PLXDC2: variants seen among roughly 807,000 people sequenced by gnomAD.
The protein encoded by PLXDC2 is plexin domain-containing protein 2.
Under a neutral mutation model 68.9 loss-of-function variants are expected in PLXDC2, and 40 were observed. The ratio of observed to expected loss-of-function variants is 0.58; its 90% CI spans 0.45 to 0.76. The LOEUF (loss-of-function observed/expected upper bound fraction) is 0.76, where lower values mean the gene tolerates loss of function less well. PLXDC2 is among the 30% of genes least tolerant of loss of function. The pLI is 0.00. For missense variants in PLXDC2, 644 were observed against 661.9 expected, an observed-to-expected ratio of 0.97 and a Z score of 0.30; for synonymous variants, 243 against 234.2, an observed-to-expected ratio of 1.04 and a Z score of -0.34.
intron 4 of PLXDC2, among the ~76,000 whole-genome samples, chr10:20,137,660 A>T (rs1313898639): frequency 6.6e-6 from 1 of 152,216 alleles, no homozygotes; most frequent in South Asian, 2.1e-4. Context: ...ATAAAATCCA[A>T]TGAGGGAGAG....
chr10:19,933,970 AT>A (rs1202616578), intron 1 of PLXDC2, among the ~76,000 whole-genome samples: 3 of 152,042 alleles, frequency 2.0e-5, no homozygotes. Context: ...TTGAGCAATC[AT>A]TTTTTCCTTT....
At chr10:19,891,549 G>A (rs533524716) in intron 1 of PLXDC2, among the ~76,000 whole-genome samples, 1 of 152,154 alleles carries the variant, frequency 6.6e-6, no homozygotes, top group African/African-American at 2.4e-5. Flanking sequence ...AGCACCTACT[G>A]CAGGCGTTGG....
intron 1 of PLXDC2, among the ~76,000 whole-genome samples, chr10:19,863,460 A>G (rs913050): frequency 0.6 from 91,905 of 152,048 alleles, 27,972 homozygotes; most frequent in Middle Eastern, 0.71. Flanking sequence ...GTTGTGAGAT[A>G]TTGTATATTA....
chr10:20,105,048 CAAAAAAAA>C (rs11289832), intron 4 of PLXDC2, among the ~76,000 whole-genome samples: 2 of 97,296 alleles, frequency 2.1e-5, no homozygotes, highest in African/African-American at 8.6e-5. Context: ...AGACTCCATC[CAAAAAAAA>C]AAAAAAAAAA....
intron 1 of PLXDC2, among the ~76,000 whole-genome samples, chr10:19,935,512 G>A (rs1415534652): frequency 6.6e-6 from 1 of 152,150 alleles, no homozygotes; most frequent in Non-Finnish European, 1.5e-5. Flanking sequence ...GCACACCTGG[G>A]AGCTCAGGCT....
chr10:20,000,677 A>C (rs189073204), intron 1 of PLXDC2, among the ~76,000 whole-genome samples: 2 of 152,246 alleles, frequency 1.3e-5, no homozygotes, highest in Admixed American at 6.5e-5. Context: ...GGTAGTGGTA[A>C]TCTTAAGTTA....
chr10:20,126,179 G>A (rs1474591784), intron 4 of PLXDC2, among the ~76,000 whole-genome samples: 2 of 144,636 alleles, frequency 1.4e-5, no homozygotes, highest in Admixed American at 1.4e-4. Flanking sequence ...ATACATATAT[G>A]TTATATAATA....
At chr10:20,101,940 G>GC (rs1317383637) in intron 4 of PLXDC2, among the ~76,000 whole-genome samples, 2 of 151,836 alleles carry the variant, frequency 1.3e-5, no homozygotes, top group African/African-American at 4.8e-5. Context: ...TGGGATTACA[G>GC]CCCCCCGACC....
intron 2 of PLXDC2, among the ~76,000 whole-genome samples, chr10:20,024,177 ATTG>A (rs1184528874): frequency 2.0e-5 from 3 of 152,146 alleles, no homozygotes; most frequent in Non-Finnish European, 1.5e-5. Flanking sequence ...TTTAAAAACT[ATTG>A]TTGGTGTTTT....
chr10:20,006,229 T>C (rs1356886214), intron 2 of PLXDC2, among the ~76,000 whole-genome samples: 1 of 152,180 alleles, frequency 6.6e-6, no homozygotes, highest in Non-Finnish European at 1.5e-5. Context: ...GCATCTCTTT[T>C]GGGGAAAATA....
intron 10 of PLXDC2, among the ~76,000 whole-genome samples, chr10:20,213,205 C>CTATTCCA (rs1177531594): frequency 2.4e-4 from 36 of 151,984 alleles, no homozygotes. Context: ...ACGTCAAAAT[C>CTATTCCA]TATTCCATTT....
chr10:20,133,291 A>T (rs1833890966), intron 4 of PLXDC2, among the ~76,000 whole-genome samples: 1 of 152,160 alleles, frequency 6.6e-6, no homozygotes, highest in Admixed American at 6.5e-5. Flanking sequence ...TCTGACCTTT[A>T]CAGTGAGTTT....
intron 1 of PLXDC2, among the ~76,000 whole-genome samples, chr10:19,903,769 G>A (rs541723597): frequency 1.4e-3 from 211 of 150,872 alleles, no homozygotes; most frequent in African/African-American, 4.8e-3. Flanking sequence ...TGAGGTTTGA[G>A]CTTAAGATTG....
chr10:20,116,954 A>C (rs1833630262), intron 4 of PLXDC2, among the ~76,000 whole-genome samples: 1 of 152,146 alleles, frequency 6.6e-6, no homozygotes, highest in Admixed American at 6.5e-5. Flanking sequence ...ACAATGAATA[A>C]AAATGAAAAA....
chr10:19,901,769 G>A (rs1390112258), intron 1 of PLXDC2, among the ~76,000 whole-genome samples: 2 of 151,976 alleles, frequency 1.3e-5, no homozygotes, highest in Non-Finnish European at 2.9e-5. Flanking sequence ...TGTCTGAAGG[G>A]TTTTTCGATG....
At chr10:20,130,283 T>G (rs545233827) in intron 4 of PLXDC2, among the ~76,000 whole-genome samples, 1 of 152,014 alleles carries the variant, frequency 6.6e-6, no homozygotes, top group Admixed American at 6.6e-5. Context: ...TATGTGAGAG[T>G]GTTAATTTCT....
At chr10:20,199,241 A>G (rs763381882) in intron 9 of PLXDC2, among the ~76,000 whole-genome samples, 1 of 152,010 alleles carries the variant, frequency 6.6e-6, no homozygotes, top group Non-Finnish European at 1.5e-5. Context: ...TTTTTAAGTT[A>G]ACATTAGCAA....
rs138174743 is a variant in PLXDC2, at chr10:20,021,610, C to T, written c.324+19624C>T. On this transcript the variant is annotated intron_variant, in intron 2 of 13. Coordinates refer to ENST00000377252, the MANE Select transcript of PLXDC2 (RefSeq NM_032812.9). ...CTCTTGTCTTGCTGTGGTTTCTTCCCCATTCATTTCTCAGATGACACAAAC... is the reference window on the plus strand; with the variant it reads ...CTCTTGTCTTGCTGTGGTTTCTTCCTCATTCATTTCTCAGATGACACAAAC... Among the ~76,000 whole-genome samples, 235 of 152,136 alleles carry T rather than the reference C, an allele frequency of 1.5e-3. 2 individuals carry two copies. The highest frequency in any genetic ancestry group is 3.4e-3 in the Middle Eastern group (1 of 294).
chr10:19,954,753 G>A (rs1039620847), intron 1 of PLXDC2, among the ~76,000 whole-genome samples: 1 of 152,160 alleles, frequency 6.6e-6, no homozygotes, highest in East Asian at 1.9e-4. Flanking sequence ...TTTCAAACTG[G>A]TTAGATGGAA....
Sources: gnomAD v4.1 joint callset for allele counts (sites outside exome capture counted in the v4.1 genomes callset) on GRCh38, gnomAD v4.1.1 for gene constraint, MANE v1.5 for transcripts, NCBI Gene and HGNC (gene_info 2026-07-23, HGNC 2026-07-21) for gene names.